Variants in IMMP1L observed in about 807,000 individuals in gnomAD.
IMMP1L encodes the protein mitochondrial inner membrane protease subunit 1.
A neutral mutation model predicts 21.8 loss-of-function variants in IMMP1L; 24 were observed. That is an observed-to-expected ratio of 1.10 (90% CI 0.80 to 1.55). The LOEUF (loss-of-function observed/expected upper bound fraction) is 1.55. Ranked by LOEUF, IMMP1L falls within the 40% of genes most tolerant of loss-of-function variation. The pLI is 0.00. For synonymous variants in IMMP1L, 46 were observed against 62.8 expected, an observed-to-expected ratio of 0.73 and a Z score of 1.26; for missense variants, 195 against 200.7, an observed-to-expected ratio of 0.97 and a Z score of 0.17.
intron 1 of IMMP1L, among the ~76,000 whole-genome samples, chr11:31,479,244 G>T (rs1358471866): frequency 2.0e-5 from 3 of 151,920 alleles, no homozygotes; most frequent in African/African-American, 7.2e-5. Flanking sequence ...CAATTTTTGA[G>T]GAACACTCCA....
chr11:31,462,042 C>G (rs1954158032), intron 2 of IMMP1L, among the ~76,000 whole-genome samples: 1 of 152,156 alleles, frequency 6.6e-6, no homozygotes, highest in African/African-American at 2.4e-5. Flanking sequence ...CAGCCAGGTA[C>G]AGTTGCTCAT....
chr11:31,440,634 G>A (rs1223928057), intron 4 of IMMP1L, among the ~76,000 whole-genome samples: 1 of 152,124 alleles, frequency 6.6e-6, no homozygotes, highest in Non-Finnish European at 1.5e-5. Context: ...CAAGTGATCT[G>A]CCCGCCTCGG....
At chr11:31,439,925 T>G (rs886081011) in intron 4 of IMMP1L, among the ~76,000 whole-genome samples, 15 of 152,214 alleles carry the variant, frequency 9.9e-5, no homozygotes, top group African/African-American at 3.6e-4. Flanking sequence ...CTTTTTGGCT[T>G]ACAGCTCCCC....
intron 1 of IMMP1L, among the ~76,000 whole-genome samples, chr11:31,500,021 G>T (rs1237438765): frequency 6.6e-6 from 1 of 152,034 alleles, no homozygotes; most frequent in African/African-American, 2.4e-5. Flanking sequence ...TCCAAGTATG[G>T]AGGTTGGAGA....
intron 4 of IMMP1L, among the ~76,000 whole-genome samples, chr11:31,444,180 T>A (rs1953436620): frequency 6.6e-6 from 1 of 152,148 alleles, no homozygotes; most frequent in Non-Finnish European, 1.5e-5. Flanking sequence ...TCAATACAAC[T>A]GAGACTAATA....
intron 1 of IMMP1L, among the ~76,000 whole-genome samples, chr11:31,478,362 T>C (rs1954789476): frequency 6.6e-6 from 1 of 152,250 alleles, no homozygotes; most frequent in Non-Finnish European, 1.5e-5. Context: ...TATTCTTTTT[T>C]ATTCTGTGCT....
At chr11:31,494,658 T>C (rs1343964754) in intron 1 of IMMP1L, among the ~76,000 whole-genome samples, 4 of 152,116 alleles carry the variant, frequency 2.6e-5, no homozygotes, top group Admixed American at 1.3e-4. Context: ...TTTTTTTTTT[T>C]TGAAAAGTAG....
At chr11:31,487,530 T>C (rs1345022708) in intron 1 of IMMP1L, among the ~76,000 whole-genome samples, 2 of 152,250 alleles carry the variant, frequency 1.3e-5, no homozygotes, top group East Asian at 1.9e-4. Flanking sequence ...AGGTCCATGA[T>C]AGGCAAGTCA....
At chr11:31,508,186 C>T (rs1955846161) in intron 1 of IMMP1L, among the ~76,000 whole-genome samples, 1 of 152,132 alleles carries the variant, frequency 6.6e-6, no homozygotes, top group South Asian at 2.1e-4. Flanking sequence ...AAATTCAAGA[C>T]GTTTCTATCT....
intron 4 of IMMP1L, among the ~76,000 whole-genome samples, chr11:31,439,539 T>C (rs1242553656): frequency 6.6e-6 from 1 of 152,224 alleles, no homozygotes; most frequent in East Asian, 1.9e-4. Context: ...TTTCTGGGTC[T>C]ATTTAACTGA....
At chr11:31,507,740 T>C (rs903877860) in intron 1 of IMMP1L, among the ~76,000 whole-genome samples, 5 of 152,170 alleles carry the variant, frequency 3.3e-5, no homozygotes, top group Admixed American at 2.0e-4. Context: ...TCAAGAAATC[T>C]ATTATATAAC....
At chr11:31,464,934 A>G (rs954395385) in intron 1 of IMMP1L, among the ~76,000 whole-genome samples, 1 of 152,152 alleles carries the variant, frequency 6.6e-6, no homozygotes, top group Non-Finnish European at 1.5e-5. Flanking sequence ...AACGGAAGTC[A>G]CAGCCATAGC....
chr11:31,462,520 CCA>C (rs1448527178), intron 2 of IMMP1L, among the ~76,000 whole-genome samples: 3 of 151,902 alleles, frequency 2.0e-5, no homozygotes, highest in East Asian at 1.9e-4. Flanking sequence ...GAATCAACAG[CCA>C]CAGTTTGTAG....
At chr11:31,508,954 G>A (rs1188129499) in intron 1 of IMMP1L, among the ~76,000 whole-genome samples, 6 of 152,138 alleles carry the variant, frequency 3.9e-5, no homozygotes, top group Non-Finnish European at 8.8e-5. Flanking sequence ...TTTTTTGGGG[G>A]AAAGAAACCC....
intron 1 of IMMP1L, among the ~76,000 whole-genome samples, chr11:31,500,764 ACT>A (rs776525550): frequency 1.3e-5 from 2 of 152,006 alleles, no homozygotes; most frequent in South Asian, 4.1e-4. Flanking sequence ...AATTCAGCAG[ACT>A]CTGTTTTAGC....
At chr11:31,472,522 T>C (rs534515137) in intron 1 of IMMP1L, among the ~76,000 whole-genome samples, 1 of 152,350 alleles carries the variant, frequency 6.6e-6, no homozygotes, top group South Asian at 2.1e-4. Flanking sequence ...CCATGTACCA[T>C]GTGTGCTGTG....
At chr11:31,500,575 A>G (rs1955585353) in intron 1 of IMMP1L, among the ~76,000 whole-genome samples, 1 of 148,912 alleles carries the variant, frequency 6.7e-6, no homozygotes, top group Non-Finnish European at 1.5e-5. Flanking sequence ...CTCCCCTCCA[A>G]AAATCTGTTC....
chr11:31,495,628 CA>C (rs1227754463), intron 1 of IMMP1L, among the ~76,000 whole-genome samples: 1 of 152,078 alleles, frequency 6.6e-6, no homozygotes, highest in Non-Finnish European at 1.5e-5. Context: ...AAATTTAGTA[CA>C]AAGTTATAGT....
At chr11:31,466,922 A>G (rs1456697492) in intron 1 of IMMP1L, among the ~76,000 whole-genome samples, 1 of 152,172 alleles carries the variant, frequency 6.6e-6, no homozygotes, top group Non-Finnish European at 1.5e-5. Context: ...TAATGTTCAC[A>G]ACATAAAGAA....
Sources: allele counts gnomAD v4.1 joint callset (sites outside exome capture counted in the v4.1 genomes callset), GRCh38; gene constraint gnomAD v4.1.1; transcripts MANE v1.5; gene names NCBI Gene and HGNC (gene_info 2026-07-23, HGNC 2026-07-21).